Variants in CA10 observed in about 807,000 individuals in gnomAD.
CA10 encodes the protein carbonic anhydrase-related protein 10.
CA10 carries 14 observed loss-of-function variants against 44.2 expected under a neutral mutation model. The observed-to-expected ratio is 0.32, with a 90% confidence interval of 0.21 to 0.50. CA10 has a LOEUF of 0.50. Ranked by LOEUF, CA10 falls within the 20% of genes least tolerant of loss-of-function variation. The pLI is 0.99. For missense variants in CA10, 350 were observed against 409.7 expected (o/e 0.85, Z 1.26); for synonymous variants, 159 against 141.6 (o/e 1.12, Z -0.87).
At chr17:51,677,610 G>A (rs1351027601) in intron 4 of CA10, among the ~76,000 whole-genome samples, 1 of 151,972 alleles carries the variant, frequency 6.6e-6, no homozygotes, top group Non-Finnish European at 1.5e-5. Context: ...ATTAATCATT[G>A]CTGATAATTA....
rs943223486 is a variant in CA10, at chr17:52,148,717, T to C, written c.61+9009A>G. Among the ~76,000 whole-genome samples, 3 of 152,206 alleles carry C rather than the reference T, an allele frequency of 2.0e-5. No homozygotes were observed. The East Asian group carries it at 5.8e-4, about 29-fold the overall frequency. ...TATGTATTAATTCAGTCATTCATTATTGAGCATTTTCTAAATGCCAGGCAC... is the reference window on the plus strand; with the variant it reads ...TATGTATTAATTCAGTCATTCATTACTGAGCATTTTCTAAATGCCAGGCAC... On this transcript the variant is annotated intron_variant, in intron 1 of 8. Transcript: ENST00000451037.
chr17:51,642,483 T>A (rs1913127896), intron 6 of CA10, among the ~76,000 whole-genome samples: 2 of 152,148 alleles, frequency 1.3e-5, no homozygotes, highest in South Asian at 2.1e-4. Flanking sequence ...TTGGGGGAAG[T>A]AAAGCAAAGT....
intron 2 of CA10, among the ~76,000 whole-genome samples, chr17:52,030,149 C>T (rs1255305796): frequency 2.0e-5 from 3 of 152,324 alleles, no homozygotes; most frequent in Middle Eastern, 3.4e-3. Context: ...CCCTGATGAT[C>T]ACAGGGACTG....
intron 3 of CA10, among the ~76,000 whole-genome samples, chr17:51,830,852 C>G (rs1437329353): frequency 6.6e-6 from 1 of 152,180 alleles, no homozygotes; most frequent in African/African-American, 2.4e-5. Flanking sequence ...TACAAGTCCT[C>G]CCTGCTCAAA....
intron 6 of CA10, among the ~76,000 whole-genome samples, chr17:51,636,877 C>A (rs1202017267): frequency 1.3e-5 from 2 of 150,952 alleles, no homozygotes; most frequent in African/African-American, 4.9e-5. Flanking sequence ...GGTATTCATA[C>A]CCATATATCT....
intron 3 of CA10, among the ~76,000 whole-genome samples, chr17:51,925,545 A>G (rs914941933): frequency 6.6e-6 from 1 of 152,176 alleles, no homozygotes; most frequent in Non-Finnish European, 1.5e-5. Flanking sequence ...CAAACCTCAA[A>G]AAGTTAAACA....
intron 4 of CA10, among the ~76,000 whole-genome samples, chr17:51,715,227 G>T (rs538856874): frequency 6.6e-6 from 1 of 151,934 alleles, no homozygotes; most frequent in Non-Finnish European, 1.5e-5. Context: ...GGGGTGGGGG[G>T]TGGAGGGAGG....
At chr17:51,717,665 AC>A (rs1916171980) in intron 4 of CA10, among the ~76,000 whole-genome samples, 2 of 38,932 alleles carry the variant, frequency 5.1e-5, no homozygotes, top group African/African-American at 1.3e-4. Flanking sequence ...ACGTATATAT[AC>A]ATGTATATAT....
In CA10 at chr17:52,007,409, G is replaced by T. The variant is rs188293826; in HGVS notation, c.136+64910C>A. 5.3e-3 allele frequency among the ~76,000 whole-genome samples: 810 copies of T among 151,606 alleles called. 6 individuals carry two copies. The highest frequency in any genetic ancestry group is 7.7e-3 in the Non-Finnish European group (523 of 67,658). ...ACTCTTCAATAGATTAAGAGTATTT[G>T]ATCCTTAGGTCGATAAGAATTTTTA... On this transcript the variant is annotated intron_variant, in intron 2 of 8. Transcript: ENST00000451037.
At chr17:52,021,031 A>G (rs546947152) in intron 2 of CA10, among the ~76,000 whole-genome samples, 3 of 152,132 alleles carry the variant, frequency 2.0e-5, no homozygotes, top group South Asian at 4.1e-4. Context: ...TATGTACCAC[A>G]TTTTATTTAT....
chr17:52,075,126 T>G (rs1375347571), intron 1 of CA10, among the ~76,000 whole-genome samples: 1 of 152,068 alleles, frequency 6.6e-6, no homozygotes, highest in Non-Finnish European at 1.5e-5. Context: ...CATACATAAT[T>G]TCAAAAGGAA....
intron 2 of CA10, among the ~76,000 whole-genome samples, chr17:52,018,275 G>A (rs1019447655): frequency 2.6e-5 from 4 of 152,112 alleles, no homozygotes; most frequent in Admixed American, 6.5e-5. Context: ...AATAATGGTA[G>A]AGCCACTGAC....
At chr17:51,813,201 G>T (rs1907438535) in intron 3 of CA10, among the ~76,000 whole-genome samples, 1 of 152,292 alleles carries the variant, frequency 6.6e-6, no homozygotes, top group East Asian at 1.9e-4. Flanking sequence ...GATGGTATCT[G>T]GCACATTAAT....
chr17:51,717,549 AT>A (rs1916154119), intron 4 of CA10, among the ~76,000 whole-genome samples: 1 of 140,020 alleles, frequency 7.1e-6, no homozygotes, highest in African/African-American at 2.6e-5. Flanking sequence ...ATATATATAT[AT>A]ATATATATAT....
chr17:52,079,102 C>T (rs1284394436), intron 1 of CA10, among the ~76,000 whole-genome samples: 1 of 152,048 alleles, frequency 6.6e-6, no homozygotes, highest in Non-Finnish European at 1.5e-5. Flanking sequence ...CTGGCTCACA[C>T]GGGGAAACCC....
chr17:52,058,109 T>C (rs952190675), intron 2 of CA10, among the ~76,000 whole-genome samples: 2 of 152,116 alleles, frequency 1.3e-5, no homozygotes, highest in Non-Finnish European at 2.9e-5. Context: ...TATATACACT[T>C]ACATGAGGTA....
intron 3 of CA10, among the ~76,000 whole-genome samples, chr17:51,866,123 A>G (rs1257172863): frequency 6.6e-6 from 1 of 152,222 alleles, no homozygotes; most frequent in Non-Finnish European, 1.5e-5. Flanking sequence ...ATGTCCTGAT[A>G]GTTCCTGACG....
chr17:51,764,547 G>C (rs1402709394), intron 3 of CA10, among the ~76,000 whole-genome samples: 1 of 152,140 alleles, frequency 6.6e-6, no homozygotes, highest in Non-Finnish European at 1.5e-5. Flanking sequence ...TGTAGCTTCT[G>C]AACCTAGTCA....
At position 51,700,125 on chromosome 17, in the gene CA10, C is replaced by T. The variant is rs188504179; in HGVS notation, c.466-46389G>A. 1.2e-4 allele frequency among the ~76,000 whole-genome samples: 19 copies of T among 152,230 alleles called. No homozygotes were observed. In the East Asian group the frequency reaches 3.3e-3, roughly 26 times the overall value. ...CTGCAGAGAGAACTAGACTGGGAAT[C>T]CCAGCTCTGCCTTTGAAATAGGAGA... On this transcript the variant is annotated intron_variant, in intron 4 of 8. Coordinates refer to ENST00000451037, the MANE Select transcript of CA10 (RefSeq NM_020178.5).
Sources: allele counts gnomAD v4.1 joint callset (sites outside exome capture counted in the v4.1 genomes callset), GRCh38; gene constraint gnomAD v4.1.1; transcripts MANE v1.5; gene names NCBI Gene and HGNC (gene_info 2026-07-23, HGNC 2026-07-21).